The following LDB2 variants were observed in gnomAD, a reference collection of about 807,000 sequenced individuals.
LDB2 encodes the protein LIM domain binding 2, also known as LIM domain-binding protein 2.
Under a neutral mutation model 44.3 loss-of-function variants are expected in LDB2, and 12 were observed. The ratio of observed to expected loss-of-function variants is 0.27; its 90% CI spans 0.17 to 0.44. The LOEUF (loss-of-function observed/expected upper bound fraction) is 0.44. Among genes scored for constraint, LDB2 ranks in the 20% least tolerant of loss-of-function variants. The pLI is 1.00. For synonymous variants in LDB2, 164 were observed against 174.8 expected (o/e 0.94, Z 0.49); for missense variants, 344 against 473.5 (o/e 0.73, Z 2.54).
chr4:16,661,196 T>C (rs1162481322), intron 2 of LDB2, among the ~76,000 whole-genome samples: 1 of 152,324 alleles, frequency 6.6e-6, no homozygotes, highest in African/African-American at 2.4e-5. Context: ...GTATATTTAA[T>C]ATATCTGTCC....
chr4:16,893,798 TTA>T (rs1724125377), intron 1 of LDB2, among the ~76,000 whole-genome samples: 1 of 151,290 alleles, frequency 6.6e-6, no homozygotes, highest in Admixed American at 6.6e-5. Context: ...ATTTTTTTTT[TTA>T]AATTAGCATG....
chr4:16,559,260 A>G (rs540871319), intron 5 of LDB2, among the ~76,000 whole-genome samples: 27 of 152,352 alleles, frequency 1.8e-4, no homozygotes, highest in African/African-American at 6.0e-4. Context: ...ATTAAAAGAC[A>G]CAGACTGGCA....
At chr4:16,675,447 T>C (rs1282710511) in intron 2 of LDB2, among the ~76,000 whole-genome samples, 1 of 152,124 alleles carries the variant, frequency 6.6e-6, no homozygotes, top group South Asian at 2.1e-4. Flanking sequence ...GGGTCATCTC[T>C]ATGCCAGCCA....
At chr4:16,748,741 C>T (rs530431035) in intron 2 of LDB2, among the ~76,000 whole-genome samples, 1 of 152,272 alleles carries the variant, frequency 6.6e-6, no homozygotes, top group East Asian at 1.9e-4. Flanking sequence ...CTGCACACAT[C>T]TCAGCTGAAC....
intron 2 of LDB2, among the ~76,000 whole-genome samples, chr4:16,712,670 T>C (rs1010152961): frequency 6.6e-6 from 1 of 152,166 alleles, no homozygotes; most frequent in Non-Finnish European, 1.5e-5. Context: ...GAGATACTAC[T>C]TCATACACAC....
intron 2 of LDB2, among the ~76,000 whole-genome samples, chr4:16,743,714 C>T (rs909873697): frequency 6.6e-6 from 1 of 152,008 alleles, no homozygotes; most frequent in African/African-American, 2.4e-5. Context: ...AAAAAAAAAC[C>T]CAGAAACCTC....
intron 1 of LDB2, among the ~76,000 whole-genome samples, chr4:16,883,260 A>T (rs1720691365): frequency 6.6e-6 from 1 of 152,332 alleles, no homozygotes; most frequent in South Asian, 2.1e-4. Flanking sequence ...TAAAAACAGA[A>T]ATCAGCAGTC....
In LDB2 at chr4:16,821,746, CAAAAAAAAA is replaced by C. The variant is rs562184189; in HGVS notation, c.133-62495_133-62487del. Among the ~76,000 whole-genome samples, 17 of 61,738 alleles carry C rather than the reference CAAAAAAAAA, an allele frequency of 2.8e-4. 1 individual carries two copies. Among genetic ancestry groups the C allele is most frequent in the African/African-American group, 6.3e-4 (10 of 15,782 alleles). 40.5% of individuals were successfully genotyped at this position (61,738 alleles called of 152,430 possible). On this transcript the variant is annotated intron_variant, in intron 1 of 7. Coordinates refer to ENST00000304523, the MANE Select transcript of LDB2 (RefSeq NM_001290.5). Reference sequence around the variant, plus strand: ...AATGGAAACCATTCCAACATTAAAGCAAAAAAAAAAAAAAAAAAAAAAAATCAGGAATTT... The same window carrying C: ...AATGGAAACCATTCCAACATTAAAGCAAAAAAAAAAAAAAATCAGGAATTT...
At chr4:16,506,065 C>G in intron 7 of LDB2, 1 of 1,445,842 alleles carries the variant, frequency 6.9e-7, no homozygotes, top group Non-Finnish European at 9.3e-7. Context: ...AGCAGCTACA[C>G]AGACCACAGC....
chr4:16,619,520 T>C (rs774657099), intron 2 of LDB2, among the ~76,000 whole-genome samples: 4 of 152,244 alleles, frequency 2.6e-5, no homozygotes, highest in Admixed American at 1.3e-4. Flanking sequence ...TTAAAATACG[T>C]TGGAGCACTG....
rs183658657 is a variant in LDB2 at position 16,538,839 on chromosome 4, C to A, written c.616-26735G>T. Among the ~76,000 whole-genome samples the A allele has an allele frequency of 2.1e-3, 324 of 152,230 alleles. 2 individuals are homozygous for A. Among genetic ancestry groups the A allele is most frequent in the Non-Finnish European group, 2.5e-3 (171 of 68,012 alleles). On this transcript the variant is annotated intron_variant, in intron 5 of 7. Coordinates refer to ENST00000304523, the MANE Select transcript of LDB2 (RefSeq NM_001290.5). Reference sequence around the variant, plus strand: ...CTGCATGTATTTTTAATTTAATCATCATGACAACCCCAAGTAAGTACCTTT... The same window carrying A: ...CTGCATGTATTTTTAATTTAATCATAATGACAACCCCAAGTAAGTACCTTT...
rs1721460999 is a variant in LDB2 at position 16,597,990 on chromosome 4, CCT to C, written c.236-2117_236-2116del. On this transcript the variant is annotated intron_variant, in intron 2 of 7. Transcript: ENST00000304523. ...TGGATACTGGAGGTTTGTTTTCAGC[CCT>C]GTTTCCTTTGTGAGCCTGCCCTCCC... Among the ~76,000 whole-genome samples, 3 of 152,262 alleles carry C rather than the reference CCT, an allele frequency of 2.0e-5. No homozygotes were observed. In the South Asian group the frequency reaches 6.2e-4, roughly 32 times the overall value.
chr4:16,514,021 G>C (rs1722758614), intron 5 of LDB2, among the ~76,000 whole-genome samples: 1 of 152,204 alleles, frequency 6.6e-6, no homozygotes, highest in Non-Finnish European at 1.5e-5. Flanking sequence ...ATATCCAGGA[G>C]GAAGGAATGC....
At chr4:16,592,165 C>G (rs1578059644) in intron 3 of LDB2, among the ~76,000 whole-genome samples, 1 of 152,086 alleles carries the variant, frequency 6.6e-6, no homozygotes, top group African/African-American at 2.4e-5. Flanking sequence ...AGGCCAGGAA[C>G]AAGAAAACTA....
chr4:16,711,044 C>A (rs1755754025), intron 2 of LDB2, among the ~76,000 whole-genome samples: 1 of 152,198 alleles, frequency 6.6e-6, no homozygotes, highest in Non-Finnish European at 1.5e-5. Flanking sequence ...TCCATTCATT[C>A]AACAATGCTA....
intron 2 of LDB2, among the ~76,000 whole-genome samples, chr4:16,754,972 C>T (rs1279897186): frequency 6.6e-6 from 1 of 152,228 alleles, no homozygotes; most frequent in Non-Finnish European, 1.5e-5. Flanking sequence ...CTCAGCCCTG[C>T]ATTGCCTGCT....
At chr4:16,550,959 A>G (rs1412414893) in intron 5 of LDB2, among the ~76,000 whole-genome samples, 1 of 152,256 alleles carries the variant, frequency 6.6e-6, no homozygotes, top group African/African-American at 2.4e-5. Flanking sequence ...TTATGTAAAT[A>G]CACCTTAAAA....
At chr4:16,717,594 A>G (rs1757353023) in intron 2 of LDB2, among the ~76,000 whole-genome samples, 1 of 152,216 alleles carries the variant, frequency 6.6e-6, no homozygotes, top group Non-Finnish European at 1.5e-5. Context: ...AGTTTTCTGT[A>G]TGTCTCAAAG....
chr4:16,628,596 G>A (rs1055342713), intron 2 of LDB2, among the ~76,000 whole-genome samples: 4 of 150,570 alleles, frequency 2.7e-5, no homozygotes, highest in Non-Finnish European at 4.4e-5. Context: ...TGTACCATTC[G>A]AGAAAGCCTC....
Sources: allele counts gnomAD v4.1 joint callset (sites outside exome capture counted in the v4.1 genomes callset), GRCh38; gene constraint gnomAD v4.1.1; transcripts MANE v1.5; gene names NCBI Gene and HGNC (gene_info 2026-07-23, HGNC 2026-07-21).